Variants in NLRP11 observed in about 807,000 individuals in gnomAD.
NLRP11 encodes NLR family pyrin domain containing 11.
In NLRP11, 53 loss-of-function variants were observed where a neutral mutation model predicts 79.3. The observed-to-expected ratio is 0.67, with a 90% CI of 0.54 to 0.84. The LOEUF (loss-of-function observed/expected upper bound fraction) is 0.84, where lower values mean the gene tolerates loss of function less well. NLRP11 is among the 40% of genes least tolerant of loss of function. The probability of loss-of-function intolerance (pLI) is 0.00; values close to 1 mark genes in which losing one functional copy is unlikely to be tolerated. For missense variants in NLRP11, 1,264 were observed against 1,255.0 expected (o/e 1.01, Z -0.11); for synonymous variants, 518 against 462.6 (o/e 1.12, Z -1.54).
At chr19:55,795,584 G>A (rs1978756738) in intron 6 of NLRP11, among the ~76,000 whole-genome samples, 1 of 151,974 alleles carries the variant, frequency 6.6e-6, no homozygotes, top group African/African-American at 2.4e-5. Context: ...CCGCCTCCCG[G>A]GTTCAAGCAA....
chr19:55,786,015 C>T (rs1989859195), intron 9 of NLRP11, 144 bp from the exon 10 acceptor site: 1 of 802,658 alleles, frequency 1.2e-6, no homozygotes, highest in Non-Finnish European at 2.0e-6. Flanking sequence ...AAAATCTGTT[C>T]CAGACTGAAA....
chr19:55,817,458 AAC>A (rs34098302), intron 2 of NLRP11, among the ~76,000 whole-genome samples: 40,871 of 150,860 alleles, frequency 0.27, 5,593 homozygotes, highest in East Asian at 0.42. Flanking sequence ...AGAAATTATG[AAC>A]ACACACACAC....
At chr19:55,815,509 A>G (rs950425486) in intron 2 of NLRP11, among the ~76,000 whole-genome samples, 2 of 144,496 alleles carry the variant, frequency 1.4e-5, no homozygotes, top group African/African-American at 5.4e-5. Context: ...AGCCTGGACA[A>G]TGGAACAAGA....
exon 9 of NLRP11, chr19:55,788,852 A>C: frequency 6.2e-7 from 1 of 1,613,658 alleles, no homozygotes; most frequent in Non-Finnish European, 8.5e-7. Context: ...GCTCTCAAGA[A>C]GTTTTGCAAC....
chr19:55,791,554 C>T (rs927082660), intron 7 of NLRP11, among the ~76,000 whole-genome samples: 1 of 152,172 alleles, frequency 6.6e-6, no homozygotes, highest in African/African-American at 2.4e-5. Context: ...ATTTTATGAA[C>T]AGGAGATGCT....
At chr19:55,817,293 C>A (rs780697198) in intron 2 of NLRP11, among the ~76,000 whole-genome samples, 1 of 152,116 alleles carries the variant, frequency 6.6e-6, no homozygotes, top group African/African-American at 2.4e-5. Flanking sequence ...AAAAGTAGAA[C>A]GACCATTTGA....
At chr19:55,827,815 G>A (rs910038424) in intron 1 of NLRP11, among the ~76,000 whole-genome samples, 1 of 146,970 alleles carries the variant, frequency 6.8e-6, no homozygotes, top group Non-Finnish European at 1.5e-5. Flanking sequence ...TACACTGTTG[G>A]TGGGACTGTA....
chr19:55,788,933 G>T, exon 9 of NLRP11: 1 of 1,613,796 alleles, frequency 6.2e-7, no homozygotes, highest in Non-Finnish European at 8.5e-7. Flanking sequence ...AAGAACAGAG[G>T]CAAGAGATCG....
In NLRP11 at chr19:55,806,273, C is replaced by A. The variant is rs376726534; in HGVS notation, c.2003+1580G>T. Among the ~76,000 whole-genome samples, 9 of 152,292 alleles carry A rather than the reference C, an allele frequency of 5.9e-5. No homozygotes were observed. The East Asian group carries it at 7.7e-4, about 13-fold the overall frequency. ...TACATGAACGACACCCACATTTTACCTTCAGTTCAGAAACATTACACACTG... is the reference window on the plus strand; with the variant it reads ...TACATGAACGACACCCACATTTTACATTCAGTTCAGAAACATTACACACTG... On this transcript the variant is annotated intron_variant, in intron 4 of 9. Coordinates refer to ENST00000589093, the Ensembl canonical transcript of NLRP11.
exon 7 of NLRP11, chr19:55,792,444 A>G (rs1403050979): frequency 1.2e-6 from 2 of 1,613,990 alleles, no homozygotes; most frequent in African/African-American, 2.7e-5. Flanking sequence ...CGCTGCAGCA[A>G]TTTTCAGTGA....
rs367660917 is a variant in NLRP11 at position 55,809,097 on chromosome 19, T to G, written c.1513A>C (p.Lys505Gln). The stretch of plus-strand genomic sequence containing the variant: ...TATCCAAAGGATGTCTCAAGAATCT[T>G]TCTCCTGTTTGCATTTAGAAGACCA... Residue 505 changes from lysine (K) to glutamine (Q), a missense_variant, in exon 3 of 10, where the codon AAG (lysine) becomes CAG (glutamine). Transcript: ENST00000589093. The surrounding 1 kb of genome is among the most constrained non-coding windows in gnomAD (Gnocchi z 4.5). The G allele has an allele frequency of 2.5e-5, 41 of 1,613,764 alleles. No homozygotes were observed. The highest frequency in any genetic ancestry group is 3.3e-5 in the Admixed American group (2 of 60,000).
intron 1 of NLRP11, among the ~76,000 whole-genome samples, chr19:55,822,701 T>A (rs1049342497): frequency 6.6e-6 from 1 of 152,176 alleles, no homozygotes; most frequent in African/African-American, 2.4e-5. Flanking sequence ...TGCGCTTTTC[T>A]GACTGGCTTA....
At chr19:55,807,274 A>G (rs1399327059) in intron 4 of NLRP11, among the ~76,000 whole-genome samples, 1 of 152,140 alleles carries the variant, frequency 6.6e-6, no homozygotes, top group East Asian at 1.9e-4. Flanking sequence ...GCCATTTCCT[A>G]TAGAGCTATT....
chr19:55,792,433 G>T, exon 7 of NLRP11: 1 of 1,614,080 alleles, frequency 6.2e-7, no homozygotes, highest in South Asian at 1.1e-5. Flanking sequence ...TCTTCCAAGG[G>T]CGCTGCAGCA....
chr19:55,833,860 A>C (rs1983016381), upstream of NLRP11, among the ~76,000 whole-genome samples: 1 of 151,850 alleles, frequency 6.6e-6, no homozygotes, highest in Admixed American at 6.6e-5. Context: ...AATGTAGGCA[A>C]ATACGAAAAG....
At chr19:55,832,682 TA>T (rs971524578), upstream of NLRP11, 2 of 152,222 alleles carry the variant, frequency 1.3e-5, no homozygotes, top group Non-Finnish European at 2.9e-5. Context: ...AGGGGAAATA[TA>T]AAAGAGTCTA....
intron 1 of NLRP11, among the ~76,000 whole-genome samples, chr19:55,823,115 A>C (rs201270849): frequency 1.5e-5 from 2 of 137,676 alleles, no homozygotes; most frequent in Non-Finnish European, 3.1e-5. Flanking sequence ...CCTGACCCCC[A>C]AGCAGCCTAA....
rs1365382334 is a variant in NLRP11 at position 55,818,161 on chromosome 19, T to A, written c.14A>T (p.Asp5Val). The A allele has an allele frequency of 3.2e-5, 52 of 1,612,074 alleles. No individual in the cohort carries two copies. In the East Asian group the frequency reaches 1.1e-3, roughly 35 times the overall value. Residue 5 changes from aspartate (D) to valine (V), a missense_variant, in exon 2 of 10, where the codon GAT (aspartate) becomes GTT (valine). Physicochemically the swap from Asp to Val is radical, Grantham distance 152 (BLOSUM62 -3). Coordinates refer to ENST00000589093, the Ensembl canonical transcript of NLRP11. ...CCACAGCAGGTCAAAGTCAGTAGAA[T>A]CCGATTCTGCCATCTTGCTTCTCCA... is the stretch of plus-strand genomic sequence containing the variant.
intron 2 of NLRP11, among the ~76,000 whole-genome samples, chr19:55,817,196 T>G (rs976439232): frequency 6.6e-6 from 1 of 152,244 alleles, no homozygotes; most frequent in South Asian, 2.1e-4. Context: ...GATGTTGGTA[T>G]GGATGTGGTA....
Sources: gnomAD v4.1 joint callset for allele counts (sites outside exome capture counted in the v4.1 genomes callset) on GRCh38, gnomAD v4.1.1 for gene constraint, Gnocchi (gnomAD v3.1) non-coding constraint, MANE v1.5 for transcripts, NCBI Gene and HGNC (gene_info 2026-07-23, HGNC 2026-07-21) for gene names.